Variants in TAFA4 observed in about 807,000 individuals in gnomAD.
The protein encoded by TAFA4 is chemokine-like protein TAFA-4.
Under a neutral mutation model 21.1 loss-of-function variants are expected in TAFA4, and 20 were observed. That is an observed-to-expected ratio of 0.95 (90% confidence interval 0.67 to 1.38). The LOEUF (loss-of-function observed/expected upper bound fraction) is 1.38. TAFA4 is among the 40% of genes most tolerant of loss of function. The pLI, the probability that TAFA4 is intolerant of heterozygous loss-of-function variation, is 0.00. For missense variants in TAFA4, 211 were observed against 180.9 expected (o/e 1.17, Z -0.95); for synonymous variants, 71 against 67.4 (o/e 1.05, Z -0.26).
At chr3:68,843,267 T>C (rs1165459584) in intron 3 of TAFA4, among the ~76,000 whole-genome samples, 1 of 152,212 alleles carries the variant, frequency 6.6e-6, no homozygotes, top group African/African-American at 2.4e-5. Flanking sequence ...GTTATATTCC[T>C]AGGTATTTTA....
At chr3:68,746,332 A>G (rs1210226086) in intron 4 of TAFA4, among the ~76,000 whole-genome samples, 1 of 150,588 alleles carries the variant, frequency 6.6e-6, no homozygotes, top group Admixed American at 6.6e-5. Context: ...ATATACATCT[A>G]TCTCATATAT....
At chr3:68,773,177 A>C (rs1702989923) in intron 3 of TAFA4, among the ~76,000 whole-genome samples, 1 of 152,198 alleles carries the variant, frequency 6.6e-6, no homozygotes, top group Middle Eastern at 3.2e-3. Flanking sequence ...GGCCATCTGC[A>C]CTTCTGACCA....
At chr3:68,806,698 A>T (rs1703707277) in intron 3 of TAFA4, among the ~76,000 whole-genome samples, 1 of 152,146 alleles carries the variant, frequency 6.6e-6, no homozygotes, top group Admixed American at 6.5e-5. Context: ...AGATGAGGTC[A>T]TGAGGATAGA....
intron 3 of TAFA4, among the ~76,000 whole-genome samples, chr3:68,798,563 A>G (rs1703504020): frequency 6.6e-6 from 1 of 152,316 alleles, no homozygotes; most frequent in Admixed American, 6.5e-5. Flanking sequence ...CATTCAAGGG[A>G]CATTGCTCAT....
rs138622706 is a variant in TAFA4, at chr3:68,743,203, C to G, written c.287-4004G>C. 1.7e-3 allele frequency among the ~76,000 whole-genome samples: 261 copies of G among 152,288 alleles called. 1 individual carries two copies. The highest frequency in any genetic ancestry group is 0.015 in the Admixed American group (230 of 15,298). On this transcript the variant is annotated intron_variant, in intron 4 of 5. Coordinates refer to ENST00000295569, the MANE Select transcript of TAFA4 (RefSeq NM_182522.5). ...GCATTGCCAACACCAAGAAAGGAAT[C>G]TAGCCAAATTGGTTATTTATTGTGC...
chr3:68,880,899 T>A (rs1398930380), intron 2 of TAFA4, 54 bp from the exon 3 acceptor site: 20 of 1,420,758 alleles, frequency 1.4e-5, no homozygotes, highest in Non-Finnish European at 1.9e-5. Context: ...CCAGACTCCC[T>A]GGCAAGCACC....
chr3:68,774,501 T>C (rs1703016241), intron 3 of TAFA4, among the ~76,000 whole-genome samples: 1 of 152,214 alleles, frequency 6.6e-6, no homozygotes, highest in South Asian at 2.1e-4. Context: ...TACAATTAAA[T>C]GGAATATCAG....
chr3:68,826,753 T>C (rs1215559549), intron 3 of TAFA4, among the ~76,000 whole-genome samples: 1 of 151,728 alleles, frequency 6.6e-6, no homozygotes, highest in Non-Finnish European at 1.5e-5. Context: ...GGAAGGAGGC[T>C]CAAGAATGAG....
rs544686430 is a variant in TAFA4 at position 68,771,510 on chromosome 3, G to A, written c.131-18492C>T. On this transcript the variant is annotated intron_variant, in intron 3 of 5. Coordinates refer to ENST00000295569, the MANE Select transcript of TAFA4 (RefSeq NM_182522.5). ...AGCCACACCCTGTCGCACTTCCTGC[G>A]AGGGGGATAAGGGAACACTCCCATC... is the stretch of plus-strand genomic sequence containing the variant. Among the ~76,000 whole-genome samples the A allele has an allele frequency of 4.6e-5, 7 of 152,298 alleles. No homozygotes were observed. The South Asian group carries it at 1.0e-3, about 23-fold the overall frequency.
At chr3:68,856,910 T>C (rs1013632749) in intron 3 of TAFA4, among the ~76,000 whole-genome samples, 2 of 152,174 alleles carry the variant, frequency 1.3e-5, no homozygotes, top group African/African-American at 4.8e-5. Context: ...TGGGTGACCT[T>C]GAGTTACACA....
At chr3:68,907,755 C>T (rs918195538) in intron 1 of TAFA4, among the ~76,000 whole-genome samples, 1 of 152,176 alleles carries the variant, frequency 6.6e-6, no homozygotes, top group Non-Finnish European at 1.5e-5. Flanking sequence ...GGCATGAAGT[C>T]TGAAGTAGCC....
chr3:68,790,345 A>G (rs1418910786), intron 3 of TAFA4, among the ~76,000 whole-genome samples: 1 of 152,196 alleles, frequency 6.6e-6, no homozygotes, highest in East Asian at 1.9e-4. Context: ...TTATTCAAAT[A>G]AAAGAAAGCA....
At chr3:68,890,640 T>C (rs2089720651) in intron 1 of TAFA4, among the ~76,000 whole-genome samples, 1 of 152,252 alleles carries the variant, frequency 6.6e-6, no homozygotes, top group Non-Finnish European at 1.5e-5. Context: ...TTGTCCAAGC[T>C]CACTTAGCTA....
At chr3:68,931,339 G>C (rs559953560) in intron 1 of TAFA4, among the ~76,000 whole-genome samples, 1 of 152,120 alleles carries the variant, frequency 6.6e-6, no homozygotes, top group Non-Finnish European at 1.5e-5. Flanking sequence ...CCGTGAACCC[G>C]TGCATGTACA....
intron 3 of TAFA4, among the ~76,000 whole-genome samples, chr3:68,859,451 T>C (rs554918873): frequency 2.6e-5 from 4 of 152,116 alleles, no homozygotes; most frequent in African/African-American, 9.7e-5. Context: ...CTGTTTATTG[T>C]TTAACAGAAC....
At chr3:68,755,392 T>C (rs1247985723) in intron 3 of TAFA4, among the ~76,000 whole-genome samples, 10 of 152,194 alleles carry the variant, frequency 6.6e-5, no homozygotes, top group Admixed American at 6.5e-4. Flanking sequence ...GGAACTACTC[T>C]CATGGCTCGA....
At chr3:68,871,269 C>T (rs946773986) in intron 3 of TAFA4, among the ~76,000 whole-genome samples, 2 of 152,000 alleles carry the variant, frequency 1.3e-5, no homozygotes, top group African/African-American at 4.8e-5. Context: ...ATGTTTATTG[C>T]AGCACTATTT....
intron 3 of TAFA4, among the ~76,000 whole-genome samples, chr3:68,799,492 CCA>C (rs1703525856): frequency 6.6e-6 from 1 of 152,124 alleles, no homozygotes; most frequent in Admixed American, 6.6e-5. Flanking sequence ...TTTGAGGGAT[CCA>C]CAAACATTCA....
intron 1 of TAFA4, among the ~76,000 whole-genome samples, chr3:68,913,426 G>A (rs529631233): frequency 6.6e-6 from 1 of 152,160 alleles, no homozygotes; most frequent in South Asian, 2.1e-4. Flanking sequence ...AAATAAAGCT[G>A]GCCATCAGGG....
Sources: gnomAD v4.1 joint callset for allele counts (sites outside exome capture counted in the v4.1 genomes callset) on GRCh38, gnomAD v4.1.1 for gene constraint, MANE v1.5 for transcripts, NCBI Gene and HGNC (gene_info 2026-07-23, HGNC 2026-07-21) for gene names.